Variants in C6orf163 observed in about 807,000 individuals in gnomAD.
C6orf163 encodes chromosome 6 open reading frame 163, also known as uncharacterized protein C6orf163.
A neutral mutation model predicts 28.4 loss-of-function variants in C6orf163; 22 were observed. The ratio of observed to expected loss-of-function variants is 0.78; its 90% confidence interval spans 0.55 to 1.11. The LOEUF (loss-of-function observed/expected upper bound fraction) is 1.11. C6orf163 is among the 50% of genes least tolerant of loss of function. The probability of loss-of-function intolerance (pLI) is 0.00; values close to 1 mark genes in which losing one functional copy is unlikely to be tolerated. For synonymous variants in C6orf163, 110 were observed against 123.6 expected (o/e 0.89, Z 0.73); for missense variants, 342 against 389.1 (o/e 0.88, Z 1.02).
intron 2 of C6orf163, 67 bp from the exon 3 acceptor site, chr6:87,350,327 A>G: frequency 9.9e-7 from 1 of 1,010,326 alleles, no homozygotes; most frequent in Non-Finnish European, 1.5e-6. Context: ...CCAACATCCT[A>G]AATAAGCCAA....
chr6:87,361,180 G>A (rs1402938135), intron 4 of C6orf163, among the ~76,000 whole-genome samples: 1 of 152,156 alleles, frequency 6.6e-6, no homozygotes, highest in African/African-American at 2.4e-5. Flanking sequence ...AGCTATTCCG[G>A]AGGCTGAGGT....
intron 4 of C6orf163, among the ~76,000 whole-genome samples, chr6:87,360,911 C>T (rs949655978): frequency 3.3e-5 from 5 of 152,258 alleles, no homozygotes; most frequent in East Asian, 1.9e-4. Context: ...ACACCCTCGA[C>T]GCACTGCACC....
chr6:87,350,364 T>C (rs1022271193), intron 2 of C6orf163, 30 bp from the exon 3 acceptor site: 1 of 1,349,942 alleles, frequency 7.4e-7, no homozygotes, highest in Admixed American at 2.1e-5. Flanking sequence ...TCTGATACAT[T>C]AATAGATAAA....
intron 4 of C6orf163, among the ~76,000 whole-genome samples, chr6:87,364,242 G>T (rs771572155): frequency 1.9e-4 from 29 of 151,864 alleles, no homozygotes; most frequent in Non-Finnish European, 4.0e-4. Context: ...CCAGGGCCAG[G>T]CCATTGCACT....
intron 4 of C6orf163, chr6:87,357,969 T>G (rs1165710074): frequency 6.6e-6 from 1 of 152,214 alleles, no homozygotes; most frequent in African/African-American, 2.4e-5. Flanking sequence ...TGGAAGAAAG[T>G]CTGGCACATG....
chr6:87,350,284 G>A (rs1777391737), intron 2 of C6orf163, 110 bp from the exon 3 acceptor site: 2 of 691,476 alleles, frequency 2.9e-6, no homozygotes, highest in African/African-American at 1.8e-5. Context: ...CATGGTTGTT[G>A]CTAATTTTCA....
At chr6:87,352,312 A>G (rs1777428193) in intron 3 of C6orf163, among the ~76,000 whole-genome samples, 1 of 152,210 alleles carries the variant, frequency 6.6e-6, no homozygotes, top group African/African-American at 2.4e-5. Context: ...TGGGGTCCTG[A>G]CATACAGATT....
At chr6:87,350,190 G>T (rs1278502873) in intron 2 of C6orf163, among the ~76,000 whole-genome samples, 1 of 152,190 alleles carries the variant, frequency 6.6e-6, no homozygotes, top group South Asian at 2.1e-4. Context: ...CTCTGGATTG[G>T]GATGCATTAG....
chr6:87,361,783 TCTC>T (rs1777583928), intron 4 of C6orf163, among the ~76,000 whole-genome samples: 1 of 152,174 alleles, frequency 6.6e-6, no homozygotes, highest in South Asian at 2.1e-4. Context: ...TTTTCCCACT[TCTC>T]CCATATGCTT....
chr6:87,350,581 AAAT>A (rs1777398430), intron 3 of C6orf163, 80 bp downstream of exon 3: 1 of 807,826 alleles, frequency 1.2e-6, no homozygotes, highest in East Asian at 2.7e-5. Flanking sequence ...AATGAGAAAA[AAAT>A]AATAAGGAAA....
intron 1 of C6orf163, chr6:87,347,308 A>G: frequency 1.4e-6 from 1 of 716,138 alleles, no homozygotes; most frequent in Non-Finnish European, 1.7e-6. Context: ...TTCCTTTTAC[A>G]GTATGTGCAT....
Position 87,348,835 on chromosome 6 carries a change from AAAG to A in C6orf163, c.177_179del (p.Glu60del), listed in dbSNP as rs1384863643. ...AGATATTGGGGCAAATATTCTGAAA[AAAG>A]AAGAGCAGTTTCAAGAAGATATACT... On this transcript the variant is annotated inframe_deletion, in exon 2 of 5. Transcript: ENST00000388923. The A allele has an allele frequency of 4.6e-6, 7 of 1,537,474 alleles. No homozygotes were observed. Among genetic ancestry groups the A allele is most frequent in the African/African-American group, 1.4e-5 (1 of 73,166 alleles).
At chr6:87,346,172 ACTT>A (rs1777320884) in intron 1 of C6orf163, among the ~76,000 whole-genome samples, 1 of 152,092 alleles carries the variant, frequency 6.6e-6, no homozygotes, top group East Asian at 1.9e-4. Flanking sequence ...CTCTCACAAT[ACTT>A]CTCTGATCCT....
chr6:87,362,499 C>T (rs545699566), intron 4 of C6orf163, among the ~76,000 whole-genome samples: 3 of 152,260 alleles, frequency 2.0e-5, no homozygotes, highest in Admixed American at 1.3e-4. Flanking sequence ...AAAGTATCAG[C>T]TTCAATGGGT....
intron 1 of C6orf163, chr6:87,347,782 A>G (rs1777349900): frequency 1.0e-6 from 1 of 985,478 alleles, no homozygotes; most frequent in Admixed American, 6.1e-5. Context: ...TTACTGCTGC[A>G]GCTAGACTTA....
intron 3 of C6orf163, among the ~76,000 whole-genome samples, chr6:87,351,499 G>A (rs556532225): frequency 2.6e-5 from 4 of 152,362 alleles, no homozygotes; most frequent in Admixed American, 6.5e-5. Context: ...CTGAAGGCTA[G>A]TGGGATGCTC....
At chr6:87,360,034 A>G (rs776619098) in intron 4 of C6orf163, among the ~76,000 whole-genome samples, 2 of 152,134 alleles carry the variant, frequency 1.3e-5, no homozygotes. Flanking sequence ...GGTTGGTCCA[A>G]ATGCTGAACA....
Position 87,349,003 on chromosome 6 carries a change from G to A in C6orf163, c.243+97G>A, listed in dbSNP as rs1011850902. ...ATTGTATAGTGTAGTAGTCAGAACT[G>A]ACTGAATCCTGGCTAGCTGTGGGAC... On this transcript the variant is annotated intron_variant, in intron 2 of 4. Coordinates refer to ENST00000388923, the MANE Select transcript of C6orf163 (RefSeq NM_001010868.3). 36 of 1,422,356 alleles carry A rather than the reference G, an allele frequency of 2.5e-5. No individual in the cohort carries two copies. In the African/African-American group the frequency reaches 5.0e-4, roughly 20 times the overall value. The allele number at this position is 1,422,356 out of a possible 1,614,324, so 88.1% of individuals were successfully genotyped here.
At chr6:87,348,694 G>T (rs1182307434) in intron 1 of C6orf163, 118 bp from the exon 2 acceptor site, 2 of 1,439,874 alleles carry the variant, frequency 1.4e-6, no homozygotes, top group African/African-American at 2.9e-5. Context: ...ATATATACTG[G>T]CATCTCCTAA....
Sources: gnomAD v4.1 joint callset for allele counts (sites outside exome capture counted in the v4.1 genomes callset) on GRCh38, gnomAD v4.1.1 for gene constraint, MANE v1.5 for transcripts, NCBI Gene and HGNC (gene_info 2026-07-23, HGNC 2026-07-21) for gene names.